The following LRP1B variants were observed in gnomAD, a reference collection of about 807,000 sequenced individuals.
LRP1B encodes the protein LDL receptor related protein 1B, also known as low-density lipoprotein receptor-related protein 1B.
A neutral mutation model predicts 556.6 loss-of-function variants in LRP1B; 217 were observed. That is an observed-to-expected ratio of 0.39 (90% CI 0.35 to 0.44). The LOEUF (loss-of-function observed/expected upper bound fraction) is 0.44, where lower values mean the gene tolerates loss of function less well. LRP1B is among the 20% of genes least tolerant of loss of function. LRP1B has a pLI of 1.00. For synonymous variants in LRP1B, 2,047 were observed against 1,865.8 expected (o/e 1.10, Z -2.50); for missense variants, 5,053 against 5,620.8 (o/e 0.90, Z 3.23).
At chr2:140,261,737 CAT>C (rs1491013174) in intron 86 of LRP1B, among the ~76,000 whole-genome samples, 3 of 151,750 alleles carry the variant, frequency 2.0e-5, no homozygotes, top group African/African-American at 7.3e-5. Flanking sequence ...AAGAGTGTAT[CAT>C]AGGGTCTCAT....
chr2:141,494,017 A>G (rs1683427673), intron 2 of LRP1B, among the ~76,000 whole-genome samples: 1 of 152,162 alleles, frequency 6.6e-6, no homozygotes, highest in African/African-American at 2.4e-5. Context: ...TAATCAGTCT[A>G]TCACCATGTG....
intron 2 of LRP1B, among the ~76,000 whole-genome samples, chr2:141,621,839 C>T (rs943073729): frequency 6.6e-6 from 1 of 151,978 alleles, no homozygotes; most frequent in African/African-American, 2.4e-5. Flanking sequence ...AAAGTCGATC[C>T]AAAAATATAG....
chr2:140,390,807 A>ACAC (rs879557458), intron 66 of LRP1B, among the ~76,000 whole-genome samples: 3 of 135,582 alleles, frequency 2.2e-5, no homozygotes, highest in Non-Finnish European at 3.3e-5. Context: ...CACACACACA[A>ACAC]CATATTTGAG....
intron 41 of LRP1B, among the ~76,000 whole-genome samples, chr2:140,646,558 A>G (rs1343761064): frequency 6.6e-6 from 1 of 152,176 alleles, no homozygotes; most frequent in Non-Finnish European, 1.5e-5. Flanking sequence ...TTTTATATCC[A>G]GCTGCCTCCT....
At chr2:141,152,352 C>A (rs186156722) in intron 7 of LRP1B, among the ~76,000 whole-genome samples, 1 of 151,680 alleles carries the variant, frequency 6.6e-6, no homozygotes, top group South Asian at 2.1e-4. Context: ...TTCTCTAAAC[C>A]GAACTAACTA....
At chr2:141,969,787 G>T (rs374207992) in intron 1 of LRP1B, among the ~76,000 whole-genome samples, 2 of 151,508 alleles carry the variant, frequency 1.3e-5, no homozygotes, top group Non-Finnish European at 3.0e-5. Flanking sequence ...ACTGTATTAA[G>T]ATCCCAGTAG....
chr2:142,119,305 T>C (rs1401119416), intron 1 of LRP1B, among the ~76,000 whole-genome samples: 3 of 152,180 alleles, frequency 2.0e-5, no homozygotes, highest in Non-Finnish European at 4.4e-5. Context: ...AAGTAAAGTA[T>C]ATTCTTCCAC....
At chr2:140,435,534 TTCTCTTACG>T (rs2105290329) in intron 66 of LRP1B, among the ~76,000 whole-genome samples, 1 of 152,280 alleles carries the variant, frequency 6.6e-6, no homozygotes, top group South Asian at 2.1e-4. Flanking sequence ...AAAAAGCTAT[TTCTCTTACG>T]GCTTTTGCTA....
intron 35 of LRP1B, among the ~76,000 whole-genome samples, chr2:140,760,616 T>G (rs1234162234): frequency 6.6e-6 from 1 of 151,944 alleles, no homozygotes; most frequent in African/African-American, 2.4e-5. Context: ...CTGGGCGCAG[T>G]GGCTCACGCC....
intron 1 of LRP1B, among the ~76,000 whole-genome samples, chr2:141,850,023 C>CAATAGCAAA (rs1697789959): frequency 6.6e-6 from 1 of 151,598 alleles, no homozygotes; most frequent in Admixed American, 6.6e-5. Flanking sequence ...TCTGCATTCC[C>CAATAGCAAA]AATAGCAAAA....
At chr2:140,548,275 T>G (rs1159672892) in intron 43 of LRP1B, among the ~76,000 whole-genome samples, 1 of 152,174 alleles carries the variant, frequency 6.6e-6, no homozygotes, top group African/African-American at 2.4e-5. Flanking sequence ...CTCCAAATTA[T>G]AACAGCAAAT....
chr2:140,427,479 T>C (rs2105276792), intron 66 of LRP1B, among the ~76,000 whole-genome samples: 1 of 152,260 alleles, frequency 6.6e-6, no homozygotes, highest in East Asian at 1.9e-4. Flanking sequence ...TGACCTAAAA[T>C]CTAAGTGTCT....
intron 27 of LRP1B, among the ~76,000 whole-genome samples, chr2:140,860,025 A>C (rs1258518723): frequency 6.6e-6 from 1 of 152,124 alleles, no homozygotes; most frequent in Non-Finnish European, 1.5e-5. Flanking sequence ...AAATTAAAAA[A>C]AAATTGCCTT....
At chr2:140,920,399 A>T (rs189927320) in intron 21 of LRP1B, among the ~76,000 whole-genome samples, 1 of 152,190 alleles carries the variant, frequency 6.6e-6, no homozygotes, top group African/African-American at 2.4e-5. Flanking sequence ...AGCTATTCTA[A>T]TTACCATATA....
chr2:141,679,042 T>G (rs557656415), intron 2 of LRP1B, among the ~76,000 whole-genome samples: 108 of 152,280 alleles, frequency 7.1e-4, no homozygotes, highest in African/African-American at 2.5e-3. Flanking sequence ...TTGCTTTGAA[T>G]GAAACCAACT....
At chr2:140,514,354 C>G (rs1456065751) in intron 51 of LRP1B, among the ~76,000 whole-genome samples, 2 of 151,496 alleles carry the variant, frequency 1.3e-5, no homozygotes, top group African/African-American at 4.8e-5. Context: ...ATTATTTGAC[C>G]CTGTAATCTC....
Position 141,121,037 on chromosome 2 carries a change from G to C in LRP1B, c.1014-58764C>G, listed in dbSNP as rs565484307. 2.0e-5 allele frequency among the ~76,000 whole-genome samples: 3 copies of C among 152,108 alleles called. 1 individual carries two copies. The South Asian group carries it at 6.2e-4, about 32-fold the overall frequency. On this transcript the variant is annotated intron_variant, in intron 7 of 90. Transcript: ENST00000389484. ...CTAAGCAATTTATATATTTTAGAAT[G>C]CACAGGCCCTTAAAAGAGGAAGTTG...
At chr2:141,368,480 C>T (rs1029742083) in intron 3 of LRP1B, among the ~76,000 whole-genome samples, 4 of 152,152 alleles carry the variant, frequency 2.6e-5, no homozygotes, top group Non-Finnish European at 5.9e-5. Context: ...CCTTAGCTTT[C>T]GTACTACACA....
intron 86 of LRP1B, among the ~76,000 whole-genome samples, chr2:140,249,365 G>T (rs1196794752): frequency 6.6e-6 from 1 of 151,572 alleles, no homozygotes; most frequent in Admixed American, 6.6e-5. Flanking sequence ...AAGTAGGACA[G>T]GTATTTGTTA....
Sources: gnomAD v4.1 joint callset for allele counts (sites outside exome capture counted in the v4.1 genomes callset) on GRCh38, gnomAD v4.1.1 for gene constraint, MANE v1.5 for transcripts, NCBI Gene and HGNC (gene_info 2026-07-23, HGNC 2026-07-21) for gene names.